The following SLC35F1 variants were observed in gnomAD, a reference collection of about 807,000 sequenced individuals.
SLC35F1 encodes chromosome 6 open reading frame 169.
In SLC35F1, 14 loss-of-function variants were observed where a neutral mutation model predicts 48.7. The observed-to-expected ratio is 0.29, with a 90% CI of 0.19 to 0.45. The LOEUF (loss-of-function observed/expected upper bound fraction) is 0.45, where lower values mean the gene tolerates loss of function less well. Among genes scored for constraint, SLC35F1 ranks in the 20% least tolerant of loss-of-function variants. The probability of loss-of-function intolerance (pLI) is 1.00; values close to 1 mark genes in which losing one functional copy is unlikely to be tolerated. For missense variants in SLC35F1, 404 were observed against 500.0 expected, an observed-to-expected ratio of 0.81 and a Z score of 1.83; for synonymous variants, 190 against 202.2, an observed-to-expected ratio of 0.94 and a Z score of 0.51.
intron 1 of SLC35F1, among the ~76,000 whole-genome samples, chr6:117,923,293 G>T (rs139826492): frequency 6.6e-6 from 1 of 151,894 alleles, no homozygotes; most frequent in African/African-American, 2.4e-5. Flanking sequence ...CAGTCATTCC[G>T]TGTGTGCTTG....
chr6:118,070,952 T>TATACTATATATAC (rs1772698231), intron 1 of SLC35F1, among the ~76,000 whole-genome samples: 3 of 132,278 alleles, frequency 2.3e-5, no homozygotes, highest in African/African-American at 8.8e-5. Flanking sequence ...ATAGTATATA[T>TATACTATATATAC]ATACTGTGTA....
At chr6:117,937,371 C>A (rs986445797) in intron 1 of SLC35F1, among the ~76,000 whole-genome samples, 2 of 152,160 alleles carry the variant, frequency 1.3e-5, no homozygotes, top group African/African-American at 4.8e-5. Flanking sequence ...ATGCTACAGC[C>A]TTCTATTATT....
chr6:118,281,200 C>CTA (rs756821926), intron 6 of SLC35F1, among the ~76,000 whole-genome samples: 1,976 of 119,874 alleles, frequency 0.016, 18 homozygotes, highest in Middle Eastern at 0.047. Flanking sequence ...CTCTCTCTCT[C>CTA]TCTCTATATA....
intron 1 of SLC35F1, among the ~76,000 whole-genome samples, chr6:117,955,356 T>C (rs1776414951): frequency 6.6e-6 from 1 of 152,234 alleles, no homozygotes; most frequent in Non-Finnish European, 1.5e-5. Context: ...ACTTGGAACC[T>C]ATTGTTCAAT....
rs1213840053 is a variant in SLC35F1, at chr6:118,315,507, T to G, written c.*1255T>G. On this transcript the variant is annotated 3_prime_UTR_variant, in exon 8 of 8. Coordinates refer to ENST00000360388, the MANE Select transcript of SLC35F1 (RefSeq NM_001029858.4). ...CAGGCTGGAGTGCGGTGGCACGATCTCAGCTCACTGCAACCTCCGCCTCCG... is the reference window on the plus strand; with the variant it reads ...CAGGCTGGAGTGCGGTGGCACGATCGCAGCTCACTGCAACCTCCGCCTCCG... 2 of 140,168 alleles carry G rather than the reference T, an allele frequency of 1.4e-5. No individual in the cohort carries two copies. Among genetic ancestry groups the G allele is most frequent in the Non-Finnish European group, 3.0e-5 (2 of 66,154 alleles). The allele number at this position is 140,168 out of a possible 1,614,324, so 8.7% of individuals were successfully genotyped here. A position where few individuals can be genotyped will look rare whatever the true frequency, so the allele number is the denominator to read the frequency against.
chr6:117,908,010 C>T lies in SLC35F1; in HGVS notation c.173+111C>T, dbSNP rs924206489. The T allele has an allele frequency of 8.1e-5, 86 of 1,058,010 alleles. 1 individual carries two copies. Among genetic ancestry groups the T allele is most frequent in the Non-Finnish European group, 1.0e-4 (84 of 821,610 alleles). 65.5% of individuals were successfully genotyped at this position (1,058,010 alleles called of 1,614,324 possible). Reference sequence around the variant, plus strand: ...CGGGTCCTTTGGGACGGGGTTGCGGCCGGAGGAGACTGAGGAGATCGGGCG... The same window carrying T: ...CGGGTCCTTTGGGACGGGGTTGCGGTCGGAGGAGACTGAGGAGATCGGGCG... On this transcript the variant is annotated intron_variant, in intron 1 of 7. Coordinates refer to ENST00000360388, the MANE Select transcript of SLC35F1 (RefSeq NM_001029858.4).
At chr6:118,149,391 A>G (rs189350578) in intron 1 of SLC35F1, among the ~76,000 whole-genome samples, 1 of 152,356 alleles carries the variant, frequency 6.6e-6, no homozygotes, top group Non-Finnish European at 1.5e-5. Context: ...ACACATCGCC[A>G]AATGGATTTG....
intron 1 of SLC35F1, among the ~76,000 whole-genome samples, chr6:118,022,775 G>C (rs571036408): frequency 5.6e-4 from 78 of 138,944 alleles, no homozygotes; most frequent in Admixed American, 5.0e-3. Context: ...TTTTTTGAGA[G>C]AGTCTGACTC....
intron 1 of SLC35F1, among the ~76,000 whole-genome samples, chr6:117,929,279 C>T (rs1196778332): frequency 5.9e-5 from 9 of 151,822 alleles, no homozygotes; most frequent in Non-Finnish European, 7.4e-5. Context: ...AGCCTTCTTC[C>T]CTGGCAATAC....
chr6:117,942,815 G>A (rs1776248841), intron 1 of SLC35F1, among the ~76,000 whole-genome samples: 1 of 152,066 alleles, frequency 6.6e-6, no homozygotes, highest in Admixed American at 6.6e-5. Context: ...ATTGTTGTTA[G>A]CAAAATCACA....
intron 1 of SLC35F1, among the ~76,000 whole-genome samples, chr6:118,071,013 TAGTATATATATTCTAC>T (rs1562280882): frequency 1.2e-4 from 9 of 72,400 alleles, no homozygotes; most frequent in African/African-American, 3.9e-4. Context: ...TATATACACG[TAGTATATATATTCTAC>T]GTGTATATAT....
rs1776036305 is a variant in SLC35F1, at chr6:118,285,330, C to T, written c.994C>T (p.His332Tyr). 1.2e-6 allele frequency: 2 copies of T among 1,613,872 alleles called. No individual in the cohort carries two copies. The highest frequency in any genetic ancestry group is 1.7e-6 in the Non-Finnish European group (2 of 1,179,802). ...CCTGTTCTGTGGATTGTTTCTCTTC[C>T]ACTACAAGGTAAGTTGAGTGAGTGC... ...YSLFCGLFLF[H>Y]YKFSGLYLLS... The change falls in exon 7 of 8, where the codon CAC becomes TAC. Residue 332 changes from histidine (H) to tyrosine (Y), a missense_variant. By Grantham distance (83) the His-to-Tyr change is moderately conservative. Around this residue, in one of 2 missense-constraint regions of SLC35F1, gnomAD observed 306 missense variants for 419.1 expected, o/e 0.73. Coordinates refer to ENST00000360388, the MANE Select transcript of SLC35F1 (RefSeq NM_001029858.4).
intron 1 of SLC35F1, among the ~76,000 whole-genome samples, chr6:117,911,886 A>G (rs1303891764): frequency 1.3e-5 from 2 of 152,210 alleles, no homozygotes; most frequent in Non-Finnish European, 2.9e-5. Context: ...TTAGACACAT[A>G]CAGGAGTAGC....
At chr6:117,935,978 T>C (rs1015152063) in intron 1 of SLC35F1, among the ~76,000 whole-genome samples, 2 of 152,250 alleles carry the variant, frequency 1.3e-5, no homozygotes, top group Admixed American at 6.5e-5. Flanking sequence ...ACCTTCTCTT[T>C]GTTCAAGTAT....
chr6:118,076,453 G>A (rs1189813512), intron 1 of SLC35F1, among the ~76,000 whole-genome samples: 1 of 152,134 alleles, frequency 6.6e-6, no homozygotes, highest in African/African-American at 2.4e-5. Flanking sequence ...GCATGGCTGG[G>A]GAGGCCTCAG....
At chr6:118,136,589 C>T (rs1034208234) in intron 1 of SLC35F1, among the ~76,000 whole-genome samples, 4 of 152,134 alleles carry the variant, frequency 2.6e-5, no homozygotes, top group Admixed American at 6.5e-5. Flanking sequence ...TCCTTCTGCC[C>T]CTCCTTTTTT....
rs1197579648 is a variant in SLC35F1 at position 118,062,337 on chromosome 6, C to G, written c.174-92108C>G. Among the ~76,000 whole-genome samples the G allele has an allele frequency of 2.0e-5, 3 of 152,086 alleles. No individual in the cohort carries two copies. The East Asian group carries it at 5.8e-4, about 29-fold the overall frequency. On this transcript the variant is annotated intron_variant, in intron 1 of 7. Coordinates refer to ENST00000360388, the MANE Select transcript of SLC35F1 (RefSeq NM_001029858.4). ...CTTTTAAAATGCCTTGTATTTGCAT[C>G]TATTTCAAATTATTTCTTTTTTATT...
At chr6:118,177,771 TA>T (rs1168198751) in intron 2 of SLC35F1, among the ~76,000 whole-genome samples, 3 of 152,106 alleles carry the variant, frequency 2.0e-5, no homozygotes, top group Admixed American at 6.6e-5. Flanking sequence ...TGTTTTTTTT[TA>T]ACTTACTACT....
chr6:118,311,082 A>G (rs1025846603), intron 7 of SLC35F1, among the ~76,000 whole-genome samples: 5 of 152,130 alleles, frequency 3.3e-5, no homozygotes, highest in African/African-American at 1.2e-4. Flanking sequence ...TCCAATGCCA[A>G]TCCACTGATC....
Sources: allele counts gnomAD v4.1 joint callset (sites outside exome capture counted in the v4.1 genomes callset), GRCh38; gene constraint gnomAD v4.1.1; regional missense constraint gnomAD v4.1.1; transcripts MANE v1.5; gene names NCBI Gene and HGNC (gene_info 2026-07-23, HGNC 2026-07-21).